TRAF3: variants seen among roughly 807,000 people sequenced by gnomAD.
TRAF3 encodes TNF receptor associated factor 3, also known as TNF receptor-associated factor 3.
A neutral mutation model predicts 62.3 loss-of-function variants in TRAF3; 13 were observed. The ratio of observed to expected loss-of-function variants is 0.21; its 90% CI spans 0.14 to 0.33. The LOEUF is 0.33. Ranked by LOEUF, TRAF3 falls within the 10% of genes least tolerant of loss-of-function variation. TRAF3 has a pLI of 1.00. For missense variants in TRAF3, 440 were observed against 741.8 expected, an observed-to-expected ratio of 0.59 and a Z score of 4.73; for synonymous variants, 269 against 283.4, an observed-to-expected ratio of 0.95 and a Z score of 0.51.
intron 8 of TRAF3, among the ~76,000 whole-genome samples, chr14:102,890,873 C>T (rs963202478): frequency 6.6e-6 from 1 of 152,170 alleles, no homozygotes; most frequent in Non-Finnish European, 1.5e-5. Context: ...TTGAATCCTG[C>T]TTTGCTTACG....
intron 2 of TRAF3, among the ~76,000 whole-genome samples, chr14:102,836,616 G>T (rs73361266): frequency 6.6e-6 from 1 of 152,150 alleles, no homozygotes; most frequent in African/African-American, 2.4e-5. Flanking sequence ...ACTTAGGAGA[G>T]TTTGTACTAG....
Position 102,903,069 on chromosome 14 carries a change from G to C in TRAF3, c.961-186G>C, listed in dbSNP as rs1336607845. Reference sequence around the variant, plus strand: ...GTGCTCCCTGCCGGCACAAGCACTTGATCCCAGGGAGCTCCCAGGAGGCCT... The same window carrying C: ...GTGCTCCCTGCCGGCACAAGCACTTCATCCCAGGGAGCTCCCAGGAGGCCT... On this transcript the variant is annotated intron_variant, in intron 10 of 11. Coordinates refer to ENST00000392745, the MANE Select transcript of TRAF3 (RefSeq NM_145725.3). The surrounding 1 kb of genome is among the most constrained non-coding windows in gnomAD (Gnocchi z 6.4). The C allele has an allele frequency of 9.2e-6, 7 of 764,064 alleles. No individual in the cohort carries two copies. Among genetic ancestry groups the C allele is most frequent in the African/African-American group, 6.9e-5 (4 of 58,032 alleles). 47.3% of individuals were successfully genotyped at this position (764,064 alleles called of 1,614,324 possible). A position where few individuals can be genotyped will look rare whatever the true frequency, so the allele number is the denominator to read the frequency against.
At chr14:102,862,984 T>C (rs1887769334) in intron 2 of TRAF3, among the ~76,000 whole-genome samples, 1 of 152,180 alleles carries the variant, frequency 6.6e-6, no homozygotes, top group Non-Finnish European at 1.5e-5. Flanking sequence ...TTATCAATAT[T>C]TTCTATTCAG....
At chr14:102,831,551 G>A (rs887949293) in intron 2 of TRAF3, among the ~76,000 whole-genome samples, 3 of 152,278 alleles carry the variant, frequency 2.0e-5, no homozygotes, top group African/African-American at 4.8e-5. Context: ...AGGTCCTGCC[G>A]CCTCACTGTC....
At chr14:102,800,979 C>CCATCCTGGCTGA (rs759044543) in intron 1 of TRAF3, among the ~76,000 whole-genome samples, 8 of 147,164 alleles carry the variant, frequency 5.4e-5, no homozygotes, top group Admixed American at 6.7e-5. Flanking sequence ...GAGATCGAGA[C>CCATCCTGGCTGA]CACGGTGAAA....
chr14:102,823,599 G>A (rs746865977), intron 1 of TRAF3, among the ~76,000 whole-genome samples: 1 of 152,136 alleles, frequency 6.6e-6, no homozygotes. Flanking sequence ...CAAAAGTAAT[G>A]CATCTTTTGG....
rs35895214 is a variant in TRAF3, at chr14:102,792,113, C to CTTTTTTTTTTTTTT, written c.-157+14452_-157+14465dup. On this transcript the variant is annotated intron_variant, in intron 1 of 11. Transcript: ENST00000392745. ...ACAGGTGCGAGCCACTGTGCCTGGA[C>CTTTTTTTTTTTTTT]TTTTTTTTTTTTTTTTTTTTTTTTT... Among the ~76,000 whole-genome samples the CTTTTTTTTTTTTTT allele has an allele frequency of 1.5e-4, 15 of 97,702 alleles. 7 individuals carry two copies. The highest frequency in any genetic ancestry group is 2.5e-4 in the African/African-American group (6 of 23,854). The allele number at this position is 97,702 out of a possible 152,430, so 64.1% of individuals were successfully genotyped here. A position where few individuals can be genotyped will look rare whatever the true frequency, so the allele number is the denominator to read the frequency against.
Position 102,909,105 on chromosome 14 carries a change from G to A in TRAF3, c.*3321G>A, listed in dbSNP as rs573280443. On this transcript the variant is annotated 3_prime_UTR_variant, in exon 12 of 12. Coordinates refer to ENST00000392745, the MANE Select transcript of TRAF3 (RefSeq NM_145725.3). ...TGGAAGTGGGGGACCCACGGGGCCTGGCTTTGGGACTAGACATGCCAGCCC... is the reference window on the plus strand; with the variant it reads ...TGGAAGTGGGGGACCCACGGGGCCTAGCTTTGGGACTAGACATGCCAGCCC... The A allele has an allele frequency of 5.9e-5, 9 of 152,534 alleles. No homozygotes were observed. Among genetic ancestry groups the A allele is most frequent in the Admixed American group, 5.9e-4 (9 of 15,312 alleles). 9.4% of individuals were successfully genotyped at this position (152,534 alleles called of 1,614,324 possible).
chr14:102,818,796 A>G (rs1595323586), intron 1 of TRAF3, among the ~76,000 whole-genome samples: 2 of 152,310 alleles, frequency 1.3e-5, no homozygotes, highest in South Asian at 2.1e-4. Flanking sequence ...GTATATTTCA[A>G]AATTGCTAAA....
chr14:102,805,886 A>G (rs1178537814), intron 1 of TRAF3, among the ~76,000 whole-genome samples: 1 of 152,024 alleles, frequency 6.6e-6, no homozygotes, highest in African/African-American at 2.4e-5. Flanking sequence ...AGAGGATGTC[A>G]TTTGGACTAG....
At chr14:102,889,865 A>G (rs1035392830) in intron 8 of TRAF3, among the ~76,000 whole-genome samples, 8 of 152,238 alleles carry the variant, frequency 5.3e-5, no homozygotes, top group African/African-American at 1.7e-4. Flanking sequence ...AAGTTAATAC[A>G]TTAAGAGAAG....
chr14:102,813,142 A>T (rs532477168), intron 1 of TRAF3, among the ~76,000 whole-genome samples: 1 of 106,882 alleles, frequency 9.4e-6, no homozygotes. Flanking sequence ...CGCCTGGCTA[A>T]TTTTGTATTT....
At position 102,911,066 on chromosome 14, in the gene TRAF3, A is replaced by G. The variant is rs1484364272; in HGVS notation, c.*5282A>G. 6.6e-6 allele frequency: 1 copy of G among 152,198 alleles called. No individual in the cohort carries two copies. Among genetic ancestry groups the G allele is most frequent in the Admixed American group, 6.5e-5 (1 of 15,284 alleles). 9.4% of individuals were successfully genotyped at this position (152,198 alleles called of 1,614,324 possible). On this transcript the variant is annotated 3_prime_UTR_variant, in exon 12 of 12. Transcript: ENST00000392745. ...CTCTGTTCGGTTCTGTTACCCAAAA[A>G]CAAAGACCAAAGAAGGCCAATCTCT...
chr14:102,874,148 C>G (rs974477685), intron 4 of TRAF3, among the ~76,000 whole-genome samples: 7 of 152,180 alleles, frequency 4.6e-5, no homozygotes, highest in Non-Finnish European at 1.0e-4. Context: ...GCCTGTAGTT[C>G]AAGCCACTCA....
At chr14:102,881,416 AAAGG>A (rs1680106331) in intron 6 of TRAF3, among the ~76,000 whole-genome samples, 3 of 152,072 alleles carry the variant, frequency 2.0e-5, no homozygotes, top group African/African-American at 7.2e-5. Context: ...AAAAAGAAAA[AAAGG>A]AAGGAGATCA....
intron 3 of TRAF3, 119 bp from the exon 4 acceptor site, chr14:102,871,798 T>C (rs1379414732): frequency 1.5e-5 from 13 of 878,844 alleles, no homozygotes; most frequent in Non-Finnish European, 2.1e-5. Flanking sequence ...CCTGAAGCTC[T>C]GCTGGTTGCT....
intron 1 of TRAF3, among the ~76,000 whole-genome samples, chr14:102,806,396 A>C (rs143737138): frequency 3.0e-3 from 459 of 152,212 alleles, no homozygotes; most frequent in Non-Finnish European, 5.0e-3. Flanking sequence ...GTCTGGATAA[A>C]CCCTTCCCAA....
At chr14:102,829,311 G>A (rs1900518147) in intron 1 of TRAF3, among the ~76,000 whole-genome samples, 1 of 152,352 alleles carries the variant, frequency 6.6e-6, no homozygotes, top group South Asian at 2.1e-4. Flanking sequence ...TTCGTGATTA[G>A]TGTAAATAAA....
chr14:102,790,638 A>G (rs1008109227), intron 1 of TRAF3, among the ~76,000 whole-genome samples: 1 of 151,876 alleles, frequency 6.6e-6, no homozygotes, highest in South Asian at 2.1e-4. Flanking sequence ...TGAGAACAGC[A>G]CCCCCACGAT....
Sources: gnomAD v4.1 joint callset for allele counts (sites outside exome capture counted in the v4.1 genomes callset) on GRCh38, gnomAD v4.1.1 for gene constraint, Gnocchi (gnomAD v3.1) non-coding constraint, MANE v1.5 for transcripts, NCBI Gene and HGNC (gene_info 2026-07-23, HGNC 2026-07-21) for gene names.